The following KCNH5 variants were observed in gnomAD, a reference collection of about 807,000 sequenced individuals.
KCNH5 encodes voltage-gated delayed rectifier potassium channel KCNH5.
Under a neutral mutation model 96.1 loss-of-function variants are expected in KCNH5, and 46 were observed. That is an observed-to-expected ratio of 0.48 (90% CI 0.38 to 0.61). KCNH5 has a LOEUF of 0.61. Among genes scored for constraint, KCNH5 ranks in the 20% least tolerant of loss-of-function variants. The pLI is 0.00. For synonymous variants in KCNH5, 439 were observed against 449.8 expected (o/e 0.98, Z 0.30); for missense variants, 907 against 1,225.8 (o/e 0.74, Z 3.88).
At chr14:62,980,138 G>A (rs1890579106) in intron 6 of KCNH5, among the ~76,000 whole-genome samples, 1 of 152,174 alleles carries the variant, frequency 6.6e-6, no homozygotes, top group African/African-American at 2.4e-5. Flanking sequence ...CACCAGGATT[G>A]TAAGTTTCCT....
chr14:62,778,053 T>C (rs1886135226), intron 10 of KCNH5, among the ~76,000 whole-genome samples: 1 of 152,216 alleles, frequency 6.6e-6, no homozygotes, highest in Non-Finnish European at 1.5e-5. Context: ...ACAGGAATAT[T>C]ATAAACATCA....
intron 8 of KCNH5, among the ~76,000 whole-genome samples, chr14:62,805,576 A>G (rs1886749956): frequency 6.6e-6 from 1 of 152,172 alleles, no homozygotes; most frequent in African/African-American, 2.4e-5. Flanking sequence ...TGTTAATCAC[A>G]GTCTTAGCCA....
intron 10 of KCNH5, among the ~76,000 whole-genome samples, chr14:62,755,598 T>C (rs974641692): frequency 1.3e-5 from 2 of 152,104 alleles, no homozygotes; most frequent in African/African-American, 4.8e-5. Context: ...ATTATTACTC[T>C]GATACCAAAA....
chr14:62,719,891 T>G (rs1225188597), intron 10 of KCNH5, among the ~76,000 whole-genome samples: 2 of 152,246 alleles, frequency 1.3e-5, no homozygotes, highest in African/African-American at 4.8e-5. Context: ...ATGCAGCACA[T>G]ACAAGATATT....
At chr14:63,003,454 ATATATATTTTATATATAT>A in intron 3 of KCNH5, among the ~76,000 whole-genome samples, 1 of 134,008 alleles carries the variant, frequency 7.5e-6, no homozygotes, top group South Asian at 2.2e-4. Context: ...TATATATTAT[ATATATATTTTATATATAT>A]TATATATATT....
intron 2 of KCNH5, among the ~76,000 whole-genome samples, 159 bp downstream of exon 2, chr14:63,016,672 G>T (rs1371054742): frequency 6.6e-6 from 1 of 152,040 alleles, no homozygotes; most frequent in Non-Finnish European, 1.5e-5. Flanking sequence ...TGGCTCTTAA[G>T]CTATGTGTTT....
intron 7 of KCNH5, among the ~76,000 whole-genome samples, chr14:62,884,312 A>G (rs1012529050): frequency 2.6e-5 from 4 of 152,342 alleles, no homozygotes; most frequent in Middle Eastern, 6.8e-3. Context: ...GAAAATTACT[A>G]CAACAATTAA....
rs146883958 is a variant in KCNH5, at chr14:62,950,404, T to C, written c.1098A>G (p.Ile366Met). 1,709 of 1,613,944 alleles carry C rather than the reference T, an allele frequency of 1.1e-3. 2 individuals carry two copies. The highest frequency in any genetic ancestry group is 3.0e-3 in the Middle Eastern group (18 of 6,062). Residue 366 changes from isoleucine (I) to methionine (M), a missense_variant, in exon 7 of 11, where the codon ATA becomes ATG. By Grantham distance (10) the Ile-to-Met change is conservative. Around this residue, in one of 6 missense-constraint regions of KCNH5, gnomAD observed 370 missense variants for 561.3 expected, o/e 0.66. Coordinates refer to ENST00000322893, the MANE Select transcript of KCNH5 (RefSeq NM_139318.5). ...CCTCGTAGTCTCCGATGCTATACCA[T>C]ATGCAGGCCAGCCAGTGGGCCACCA... Reference protein sequence around the residue: ...FGLVAHWLACIWYSIGDYEVI... With the variant: ...FGLVAHWLACMWYSIGDYEVI...
rs184549775 is a variant in KCNH5, at chr14:62,978,447, T to C, written c.942+2425A>G. On this transcript the variant is annotated intron_variant, in intron 6 of 10. Transcript: ENST00000322893. ...CAGCGTGATAAATGAAAATTGTATTTAGTGTGGCGGGCACCAGTAGTCCCA... is the reference window on the plus strand; with the variant it reads ...CAGCGTGATAAATGAAAATTGTATTCAGTGTGGCGGGCACCAGTAGTCCCA... Among the ~76,000 whole-genome samples the C allele has an allele frequency of 9.2e-5, 14 of 151,972 alleles. No homozygotes were observed. In the East Asian group the frequency reaches 2.7e-3, roughly 29 times the overall value.
At chr14:63,015,008 A>C (rs1006042748) in intron 2 of KCNH5, among the ~76,000 whole-genome samples, 3 of 152,082 alleles carry the variant, frequency 2.0e-5, no homozygotes, top group Non-Finnish European at 4.4e-5. Context: ...CAACGATATC[A>C]GTGCTAGCAA....
At chr14:63,007,075 T>C (rs982656339) in intron 2 of KCNH5, among the ~76,000 whole-genome samples, 3 of 152,088 alleles carry the variant, frequency 2.0e-5, no homozygotes, top group Non-Finnish European at 4.4e-5. Flanking sequence ...ATAAGAGAAA[T>C]AGGTGACCAT....
chr14:62,782,697 G>C (rs1304106355), intron 9 of KCNH5, among the ~76,000 whole-genome samples: 1 of 152,132 alleles, frequency 6.6e-6, no homozygotes, highest in African/African-American at 2.4e-5. Context: ...TGTAGTCCTA[G>C]CTACTCGGGA....
chr14:62,831,040 C>A (rs1338124142), intron 8 of KCNH5, among the ~76,000 whole-genome samples: 1 of 152,140 alleles, frequency 6.6e-6, no homozygotes, highest in Non-Finnish European at 1.5e-5. Context: ...ATTTTCTAAG[C>A]CATCTGACTG....
chr14:62,850,933 AC>A lies in KCNH5; in HGVS notation c.1370-1082del, dbSNP rs1406806395. Among the ~76,000 whole-genome samples, 4 of 152,324 alleles carry A rather than the reference AC, an allele frequency of 2.6e-5. No individual in the cohort carries two copies. In the East Asian group the frequency reaches 7.7e-4, roughly 29 times the overall value. On this transcript the variant is annotated intron_variant, in intron 7 of 10. Transcript: ENST00000322893. Reference sequence around the variant, plus strand: ...ACATCCTCCAAGCATTTGAAAAATGACTGTAAACAAAATATAGACTGTTTCA... The same window carrying A: ...ACATCCTCCAAGCATTTGAAAAATGATGTAAACAAAATATAGACTGTTTCA...
At chr14:62,755,350 T>C (rs146715017) in intron 10 of KCNH5, among the ~76,000 whole-genome samples, 1,651 of 152,198 alleles carry the variant, frequency 0.011, 23 homozygotes, top group Non-Finnish European at 0.018. Flanking sequence ...TAGATAAATG[T>C]CTAGACACAT....
At chr14:62,908,227 C>G (rs1889067788) in intron 7 of KCNH5, among the ~76,000 whole-genome samples, 1 of 152,188 alleles carries the variant, frequency 6.6e-6, no homozygotes, top group Non-Finnish European at 1.5e-5. Context: ...CACATTTCAT[C>G]TTCACAGGAC....
intron 10 of KCNH5, among the ~76,000 whole-genome samples, chr14:62,761,168 A>C (rs1291765479): frequency 6.6e-6 from 1 of 152,070 alleles, no homozygotes; most frequent in Non-Finnish European, 1.5e-5. Context: ...CAGCCTGGCC[A>C]ATGTGGAGAA....
At chr14:63,017,908 T>C (rs1891355657) in intron 1 of KCNH5, among the ~76,000 whole-genome samples, 1 of 151,484 alleles carries the variant, frequency 6.6e-6, no homozygotes, top group East Asian at 2.0e-4. Context: ...ATAAAAATAA[T>C]AATGCAATTT....
At chr14:62,997,165 T>A (rs928663986) in intron 4 of KCNH5, among the ~76,000 whole-genome samples, 1 of 152,244 alleles carries the variant, frequency 6.6e-6, no homozygotes, top group Non-Finnish European at 1.5e-5. Context: ...CTCAAGCATT[T>A]ATCCTTTGCG....
Sources: allele counts gnomAD v4.1 joint callset (sites outside exome capture counted in the v4.1 genomes callset), GRCh38; gene constraint gnomAD v4.1.1; regional missense constraint gnomAD v4.1.1; transcripts MANE v1.5; gene names NCBI Gene and HGNC (gene_info 2026-07-23, HGNC 2026-07-21).